Variants in POU2AF1 observed in about 807,000 individuals in gnomAD.
POU2AF1 encodes POU domain class 2-associating factor 1.
In POU2AF1, 12 loss-of-function variants were observed where a neutral mutation model predicts 26.3. That is an observed-to-expected ratio of 0.46 (90% CI 0.29 to 0.74). The LOEUF (loss-of-function observed/expected upper bound fraction) is 0.74. Ranked by LOEUF, POU2AF1 falls within the 30% of genes least tolerant of loss-of-function variation. The pLI is 0.09. For missense variants in POU2AF1, 297 were observed against 334.5 expected (o/e 0.89, Z 0.87); for synonymous variants, 175 against 148.0 (o/e 1.18, Z -1.32).
Position 111,368,291 on chromosome 11 carries a change from A to C in POU2AF1, c.17-9373T>G, listed in dbSNP as rs575470827. On this transcript the variant is annotated intron_variant, in intron 1 of 4. Coordinates refer to ENST00000393067, the MANE Select transcript of POU2AF1 (RefSeq NM_006235.3). ...TGAGTGCAAGAGATATGACTGTTGGATCTCCAGTGCAGAGGGGCTGGTCTG... is the reference window on the plus strand; with the variant it reads ...TGAGTGCAAGAGATATGACTGTTGGCTCTCCAGTGCAGAGGGGCTGGTCTG... Among the ~76,000 whole-genome samples, 10 of 152,158 alleles carry C rather than the reference A, an allele frequency of 6.6e-5. No homozygotes were observed. The East Asian group carries it at 1.9e-3, about 29-fold the overall frequency.
chr11:111,358,418 ACGCT>A lies in POU2AF1; in HGVS notation c.147+366_147+369del, dbSNP rs1565360795. ...CTCACACACATACTCTCTCACACAC[ACGCT>A]CACACTCTCACACTCACTCTCACAC... On this transcript the variant is annotated intron_variant, in intron 2 of 4. Transcript: ENST00000393067. Among the ~76,000 whole-genome samples, 131 of 73,916 alleles carry A rather than the reference ACGCT, an allele frequency of 1.8e-3. 1 individual carries two copies. The highest frequency in any genetic ancestry group is 1.7e-3 in the Non-Finnish European group (53 of 31,994). 48.5% of individuals were successfully genotyped at this position (73,916 alleles called of 152,430 possible).
chr11:111,368,918 A>G (rs1398745105), intron 1 of POU2AF1, among the ~76,000 whole-genome samples: 2 of 152,226 alleles, frequency 1.3e-5, no homozygotes, highest in African/African-American at 4.8e-5. Flanking sequence ...TCAGCCAACA[A>G]TCCATGGCCC....
intron 1 of POU2AF1, among the ~76,000 whole-genome samples, chr11:111,360,410 C>T (rs1391032542): frequency 6.6e-6 from 1 of 152,202 alleles, no homozygotes; most frequent in Non-Finnish European, 1.5e-5. Flanking sequence ...GGCACCAGAC[C>T]TCCCTCCAGG....
At chr11:111,379,014 C>CCCCCCCCCCCG in intron 1 of POU2AF1, 148 bp downstream of exon 1, 1 of 368,410 alleles carries the variant, frequency 2.7e-6, no homozygotes, top group Non-Finnish European at 5.2e-6. Flanking sequence ...CCACCTCCCC[C>CCCCCCCCCCCG]CTCCCTGCTC....
At chr11:111,374,555 G>C (rs568404597) in intron 1 of POU2AF1, among the ~76,000 whole-genome samples, 41 of 152,294 alleles carry the variant, frequency 2.7e-4, no homozygotes, top group African/African-American at 9.6e-4. Context: ...AATTAGCTGG[G>C]CATTGTGGCA....
intron 1 of POU2AF1, among the ~76,000 whole-genome samples, chr11:111,364,959 GTTGT>G (rs1199241190): frequency 1.3e-5 from 2 of 152,256 alleles, no homozygotes; most frequent in African/African-American, 4.8e-5. Flanking sequence ...TGGATATCCA[GTTGT>G]TTGTTCCTTG....
intron 1 of POU2AF1, among the ~76,000 whole-genome samples, chr11:111,376,768 G>A (rs1861317000): frequency 6.6e-6 from 1 of 152,084 alleles, no homozygotes; most frequent in Admixed American, 6.5e-5. Context: ...CTTCCATCGG[G>A]TGACTCTAAG....
At chr11:111,361,968 G>A (rs934435023) in intron 1 of POU2AF1, among the ~76,000 whole-genome samples, 2 of 152,232 alleles carry the variant, frequency 1.3e-5, no homozygotes, top group Non-Finnish European at 2.9e-5. Flanking sequence ...TAAATGACAT[G>A]GTTTTAGTCT....
intron 1 of POU2AF1, chr11:111,377,833 G>T: frequency 5.4e-6 from 1 of 185,206 alleles, no homozygotes. Context: ...AGAAAGGATA[G>T]GCTGCCGCTG....
rs778553224 is a variant in POU2AF1 at position 111,354,374 on chromosome 11, T to C, written c.658A>G (p.Met220Val). The change falls in exon 5 of 5, where the codon ATG (methionine) becomes GTG (valine). Residue 220 changes from methionine (M) to valine (V), a missense_variant. Coordinates refer to ENST00000393067, the MANE Select transcript of POU2AF1 (RefSeq NM_006235.3). ...CTGGCGGCTCTTCTGGGGTCTTCCA[T>C]GTCCTGAAGGACTGGCTCTGGGATA... ...ISIPEPVLQD[M>V]EDPRRAASSL... 1.9e-6 allele frequency: 3 copies of C among 1,614,190 alleles called. No homozygotes were observed. In the South Asian group the frequency reaches 3.3e-5, roughly 18 times the overall value.
At position 111,354,376 on chromosome 11, in the gene POU2AF1, T is replaced by A. The variant is rs745737360; in HGVS notation, c.656A>T (p.Asp219Val). ...PISIPEPVLQ[D>V]MEDPRRAASS... ...GGCGGCTCTTCTGGGGTCTTCCATG[T>A]CCTGAAGGACTGGCTCTGGGATAGA... Residue 219 changes from aspartate (D) to valine (V), a missense_variant, in exon 5 of 5, where the codon GAC (aspartate) becomes GTC (valine). Physicochemically the swap from Asp to Val is radical, Grantham distance 152. Coordinates refer to ENST00000393067, the MANE Select transcript of POU2AF1 (RefSeq NM_006235.3). 6.2e-7 allele frequency: 1 copy of A among 1,614,118 alleles called. No homozygotes were observed. The highest frequency in any genetic ancestry group is 8.5e-7 in the Non-Finnish European group (1 of 1,179,982).
chr11:111,356,063 T>G (rs563350280), intron 4 of POU2AF1, among the ~76,000 whole-genome samples: 1 of 152,376 alleles, frequency 6.6e-6, no homozygotes, highest in South Asian at 2.1e-4. Flanking sequence ...TCTAGCCAGC[T>G]TTGATGACTT....
At chr11:111,363,866 T>C in intron 1 of POU2AF1, 1 of 985,362 alleles carries the variant, frequency 1.0e-6, no homozygotes, top group South Asian at 4.7e-5. Context: ...CTTTTAAGTC[T>C]CCCGTAGGTA....
rs866885959 is a variant in POU2AF1 at position 111,354,317 on chromosome 11, C to T, written c.715G>A (p.Glu239Lys). 4.3e-6 allele frequency: 7 copies of T among 1,614,222 alleles called. No homozygotes were observed. Among genetic ancestry groups the T allele is most frequent in the Non-Finnish European group, 5.9e-6 (7 of 1,180,036 alleles). Residue 239 changes from glutamate (E) to lysine (K), a missense_variant, in exon 5 of 5, where the codon GAA becomes AAA. Coordinates refer to ENST00000393067, the MANE Select transcript of POU2AF1 (RefSeq NM_006235.3). ...AGCGCATAGGCGTCGCTATCCTCTT[C>T]CTCCAAAAGCAGCTTGTCGATGGTC... is the stretch of plus-strand genomic sequence containing the variant. The part of the protein sequence containing the change: ...SLTIDKLLLE[E>K]EDSDAYALNH...
intron 2 of POU2AF1, among the ~76,000 whole-genome samples, chr11:111,358,480 ACACT>A (rs2135114011): frequency 6.8e-6 from 1 of 147,942 alleles, no homozygotes; most frequent in South Asian, 2.1e-4. Flanking sequence ...ACATTCTCAC[ACACT>A]GACACATACA....
intron 1 of POU2AF1, among the ~76,000 whole-genome samples, chr11:111,366,990 C>T (rs963916543): frequency 1.3e-5 from 2 of 152,204 alleles, no homozygotes; most frequent in African/African-American, 4.8e-5. Flanking sequence ...TGAGCATTTA[C>T]ACCCTAAGGC....
At chr11:111,359,993 C>T (rs559172985) in intron 1 of POU2AF1, 1 of 519,052 alleles carries the variant, frequency 1.9e-6, no homozygotes, top group South Asian at 1.4e-5. Context: ...ACCCTGGGGC[C>T]AGACAGTGTC....
At chr11:111,365,202 A>G (rs1217595927) in intron 1 of POU2AF1, among the ~76,000 whole-genome samples, 5 of 152,210 alleles carry the variant, frequency 3.3e-5, no homozygotes, top group African/African-American at 1.2e-4. Context: ...TGGATTCATG[A>G]GAGACATCAC....
At chr11:111,359,197 C>T (rs1226248578) in intron 1 of POU2AF1, 3 of 524,260 alleles carry the variant, frequency 5.7e-6, no homozygotes, top group East Asian at 6.8e-5. Flanking sequence ...CCACTTTGCA[C>T]ACTCCCTACT....
Sources: allele counts gnomAD v4.1 joint callset (sites outside exome capture counted in the v4.1 genomes callset), GRCh38; gene constraint gnomAD v4.1.1; transcripts MANE v1.5; gene names NCBI Gene and HGNC (gene_info 2026-07-23, HGNC 2026-07-21).